Variants in NDUFAF2 observed in about 807,000 individuals in gnomAD.
The protein encoded by NDUFAF2 is NADH dehydrogenase [ubiquinone] 1 alpha subcomplex assembly factor 2.
Under a neutral mutation model 22.8 loss-of-function variants are expected in NDUFAF2, and 13 were observed. The ratio of observed to expected loss-of-function variants is 0.57; its 90% confidence interval spans 0.37 to 0.91. The LOEUF (loss-of-function observed/expected upper bound fraction) is 0.91, where lower values mean the gene tolerates loss of function less well. NDUFAF2 is among the 40% of genes least tolerant of loss of function. The probability of loss-of-function intolerance (pLI) is 0.01; values close to 1 mark genes in which losing one functional copy is unlikely to be tolerated. For missense variants in NDUFAF2, 162 were observed against 195.2 expected (o/e 0.83, Z 1.01); for synonymous variants, 53 against 64.2 (o/e 0.83, Z 0.84).
At chr5:61,059,435 A>G (rs1752137259) in intron 1 of NDUFAF2, among the ~76,000 whole-genome samples, 1 of 152,098 alleles carries the variant, frequency 6.6e-6, no homozygotes, top group South Asian at 2.1e-4. Flanking sequence ...AAAAAAATTC[A>G]TTAATGAAGT....
chr5:60,953,478 G>A (rs1750574707), intron 1 of NDUFAF2, among the ~76,000 whole-genome samples: 1 of 152,072 alleles, frequency 6.6e-6, no homozygotes, highest in African/African-American at 2.4e-5. Context: ...TCCCTCTACT[G>A]GATATCTTAT....
chr5:61,026,414 C>T (rs921747797), intron 1 of NDUFAF2, among the ~76,000 whole-genome samples: 1 of 152,010 alleles, frequency 6.6e-6, no homozygotes, highest in Non-Finnish European at 1.5e-5. Context: ...AATATGTCCA[C>T]ATTTGATATC....
Position 61,073,208 on chromosome 5 carries a change from T to C in NDUFAF2, c.211T>C (p.Trp71Arg), listed in dbSNP as rs768892194. ...DYEAGDIPTEWEAWIRRTRKT... is the reference protein window; with the variant it reads ...DYEAGDIPTEREAWIRRTRKT... ...TGAAGCAGGGGATATTCCAACAGAATGGGAAGGTAAGTTTCTGCTTTTAGT... is the reference window on the plus strand; with the variant it reads ...TGAAGCAGGGGATATTCCAACAGAACGGGAAGGTAAGTTTCTGCTTTTAGT... Residue 71 changes from tryptophan (W) to arginine (R), a missense_variant, in exon 2 of 4, where the codon TGG (tryptophan) becomes CGG (arginine). Trp to Arg is a moderately radical substitution (Grantham distance 101). Around this residue, in one of 2 missense-constraint regions of NDUFAF2, gnomAD observed 94 missense variants for 85.2 expected, o/e 1.10. Coordinates refer to ENST00000296597, the MANE Select transcript of NDUFAF2 (RefSeq NM_174889.5). 16 of 1,609,786 alleles carry C rather than the reference T, an allele frequency of 9.9e-6. No homozygotes were observed. Among genetic ancestry groups the C allele is most frequent in the Non-Finnish European group, 1.4e-5 (16 of 1,176,196 alleles).
intron 3 of NDUFAF2, among the ~76,000 whole-genome samples, chr5:61,104,042 G>T (rs1280105095): frequency 6.6e-6 from 1 of 152,076 alleles, no homozygotes; most frequent in Non-Finnish European, 1.5e-5. Context: ...GACAGGTTAG[G>T]CTAAGCTATA....
intron 1 of NDUFAF2, among the ~76,000 whole-genome samples, chr5:60,984,719 C>A (rs928543443): frequency 1.2e-4 from 19 of 152,194 alleles, no homozygotes; most frequent in Admixed American, 2.0e-4. Flanking sequence ...TATGTTGAAC[C>A]AGCCTTGCAT....
intron 3 of NDUFAF2, among the ~76,000 whole-genome samples, chr5:61,111,469 C>T (rs1200116958): frequency 6.6e-6 from 1 of 152,088 alleles, no homozygotes; most frequent in Non-Finnish European, 1.5e-5. Context: ...TGGGGTCTCA[C>T]TCTGTCACCC....
chr5:61,013,158 T>C lies in NDUFAF2; in HGVS notation c.128-59967T>C, dbSNP rs1751461516. Among the ~76,000 whole-genome samples, 4 of 152,048 alleles carry C rather than the reference T, an allele frequency of 2.6e-5. No homozygotes were observed. In the South Asian group the frequency reaches 8.3e-4, roughly 32 times the overall value. On this transcript the variant is annotated intron_variant, in intron 1 of 3. Coordinates refer to ENST00000296597, the MANE Select transcript of NDUFAF2 (RefSeq NM_174889.5). ...TGTTGCAAGCATTCAAAGAGAGAAG[T>C]TGAGAAAATTATTGAAACTTGGAGA...
At chr5:61,109,938 A>G (rs1004751817) in intron 3 of NDUFAF2, among the ~76,000 whole-genome samples, 1 of 152,210 alleles carries the variant, frequency 6.6e-6, no homozygotes, top group Non-Finnish European at 1.5e-5. Context: ...CAAGTATGAC[A>G]CTAGCTGTGG....
At chr5:61,075,784 C>T (rs1383019100) in intron 2 of NDUFAF2, among the ~76,000 whole-genome samples, 1 of 152,044 alleles carries the variant, frequency 6.6e-6, no homozygotes, top group Non-Finnish European at 1.5e-5. Context: ...AACTCAGCAC[C>T]ATGAAAAAGT....
At chr5:61,018,506 C>A (rs551589263) in intron 1 of NDUFAF2, among the ~76,000 whole-genome samples, 1 of 152,144 alleles carries the variant, frequency 6.6e-6, no homozygotes, top group Non-Finnish European at 1.5e-5. Flanking sequence ...AAACATTTAT[C>A]ATTATACCAC....
chr5:60,976,820 A>G (rs1166327309), intron 1 of NDUFAF2, among the ~76,000 whole-genome samples: 1 of 152,182 alleles, frequency 6.6e-6, no homozygotes, highest in Non-Finnish European at 1.5e-5. Context: ...ACGTTATTCT[A>G]TGCCTATGTG....
chr5:60,955,145 A>G (rs1398437468), intron 1 of NDUFAF2, among the ~76,000 whole-genome samples: 2 of 152,186 alleles, frequency 1.3e-5, no homozygotes, highest in African/African-American at 2.4e-5. Flanking sequence ...TCATTGCCAA[A>G]GCCAATGTCA....
intron 1 of NDUFAF2, among the ~76,000 whole-genome samples, chr5:60,947,266 A>G (rs1750473909): frequency 6.6e-6 from 1 of 152,056 alleles, no homozygotes; most frequent in Non-Finnish European, 1.5e-5. Flanking sequence ...AGTTGTTTCC[A>G]CACCCTCACC....
intron 2 of NDUFAF2, among the ~76,000 whole-genome samples, chr5:61,097,296 A>T (rs940236653): frequency 2.6e-5 from 4 of 152,224 alleles, no homozygotes; most frequent in Admixed American, 6.5e-5. Context: ...ATACACCTAG[A>T]CTACTAAACA....
intron 2 of NDUFAF2, among the ~76,000 whole-genome samples, chr5:61,084,357 C>T (rs936669621): frequency 2.6e-5 from 4 of 151,516 alleles, no homozygotes; most frequent in African/African-American, 9.7e-5. Flanking sequence ...TTTAAGTATA[C>T]AGTTCAGTGG....
chr5:61,040,302 G>GCGCA (rs1491236283), intron 1 of NDUFAF2, among the ~76,000 whole-genome samples: 1 of 146,368 alleles, frequency 6.8e-6, no homozygotes, highest in African/African-American at 2.5e-5. Flanking sequence ...GCGCGCGCGC[G>GCGCA]AAAGTTGAAA....
chr5:60,981,735 T>C (rs1270199937), intron 1 of NDUFAF2, among the ~76,000 whole-genome samples: 4 of 152,168 alleles, frequency 2.6e-5, no homozygotes, highest in African/African-American at 9.7e-5. Context: ...CAAAACAGCA[T>C]CATAGTGGCA....
chr5:61,132,159 G>T (rs1753120218), intron 3 of NDUFAF2, among the ~76,000 whole-genome samples: 1 of 152,152 alleles, frequency 6.6e-6, no homozygotes, highest in Non-Finnish European at 1.5e-5. Flanking sequence ...TCTATTTATA[G>T]TTTGTTTCTT....
rs187062579 is a variant in NDUFAF2 at position 61,110,964 on chromosome 5, T to C, written c.258+11932T>C. Among the ~76,000 whole-genome samples, 24 of 152,250 alleles carry C rather than the reference T, an allele frequency of 1.6e-4. No homozygotes were observed. The East Asian group carries it at 3.7e-3, about 23-fold the overall frequency. On this transcript the variant is annotated intron_variant, in intron 3 of 3. Coordinates refer to ENST00000296597, the MANE Select transcript of NDUFAF2 (RefSeq NM_174889.5). ...TGTAGGCTCTTATAGCTATAAATTT[T>C]TCTCTTTGTACTGCTTTCTCTGTAT...
Sources: gnomAD v4.1 joint callset for allele counts (sites outside exome capture counted in the v4.1 genomes callset) on GRCh38, gnomAD v4.1.1 for gene constraint, gnomAD v4.1.1 regional missense constraint, MANE v1.5 for transcripts, NCBI Gene and HGNC (gene_info 2026-07-23, HGNC 2026-07-21) for gene names.